Variants in CDYL2 observed in about 807,000 individuals in gnomAD.
The protein encoded by CDYL2 is chromodomain Y-like protein 2.
In CDYL2, 23 loss-of-function variants were observed where a neutral mutation model predicts 49.4. That is an observed-to-expected ratio of 0.47 (90% CI 0.34 to 0.66). The LOEUF is 0.66. CDYL2 is among the 30% of genes least tolerant of loss of function. The pLI, the probability that CDYL2 is intolerant of heterozygous loss-of-function variation, is 0.01. For missense variants in CDYL2, 678 were observed against 656.4 expected (o/e 1.03, Z -0.36); for synonymous variants, 360 against 268.8 (o/e 1.34, Z -3.32).
chr16:80,606,416 A>G (rs1451828967), intron 6 of CDYL2, among the ~76,000 whole-genome samples: 1 of 152,148 alleles, frequency 6.6e-6, no homozygotes, highest in Non-Finnish European at 1.5e-5. Context: ...TCCCTGCCAC[A>G]GAACAGGCCA....
intron 1 of CDYL2, among the ~76,000 whole-genome samples, chr16:80,753,970 G>A (rs1268543564): frequency 6.6e-6 from 1 of 152,196 alleles, no homozygotes; most frequent in Non-Finnish European, 1.5e-5. Flanking sequence ...ACAGATGCAG[G>A]AAACACAGGA....
chr16:80,757,330 AGGAGTCC>A (rs1482320293), intron 1 of CDYL2, among the ~76,000 whole-genome samples: 1 of 152,064 alleles, frequency 6.6e-6, no homozygotes, highest in Non-Finnish European at 1.5e-5. Context: ...GCTTGAGCCT[AGGAGTCC>A]GAGACCAGCC....
chr16:80,765,052 C>T (rs57000437), intron 1 of CDYL2, among the ~76,000 whole-genome samples: 19,982 of 131,350 alleles, frequency 0.15, 2,170 homozygotes, highest in African/African-American at 0.31. Context: ...AGTGAGATTC[C>T]GTCTCAAAAA....
chr16:80,627,614 ATTTAATAATGTAAC>A (rs2142384688), intron 3 of CDYL2: 1 of 152,294 alleles, frequency 6.6e-6, no homozygotes, highest in Middle Eastern at 3.4e-3. Context: ...AAGACCCCAA[ATTTAATAATGTAAC>A]TGGTTCATTT....
At chr16:80,655,626 G>C (rs1908773375) in intron 2 of CDYL2, among the ~76,000 whole-genome samples, 2 of 152,172 alleles carry the variant, frequency 1.3e-5, no homozygotes, top group African/African-American at 4.8e-5. Context: ...GAAACTAGCA[G>C]AGGCAAAGAG....
chr16:80,755,839 G>C (rs1384296138), intron 1 of CDYL2, among the ~76,000 whole-genome samples: 2 of 152,146 alleles, frequency 1.3e-5, no homozygotes, highest in African/African-American at 4.8e-5. Flanking sequence ...TAAAACAGTG[G>C]AGACTATGGG....
intron 3 of CDYL2, among the ~76,000 whole-genome samples, chr16:80,628,849 G>T (rs185267799): frequency 6.6e-6 from 1 of 152,142 alleles, no homozygotes; most frequent in South Asian, 2.1e-4. Flanking sequence ...GAGGAGGGGG[G>T]GGATATCAGA....
chr16:80,622,171 A>G (rs1392320189), intron 3 of CDYL2, among the ~76,000 whole-genome samples: 2 of 152,188 alleles, frequency 1.3e-5, no homozygotes, highest in African/African-American at 4.8e-5. Context: ...TTTATGGAGA[A>G]GGAGAGGACT....
intron 1 of CDYL2, among the ~76,000 whole-genome samples, chr16:80,721,297 T>G (rs995671578): frequency 6.6e-6 from 1 of 152,218 alleles, no homozygotes; most frequent in African/African-American, 2.4e-5. Context: ...CTCATTCCCA[T>G]TTGATACCTA....
intron 1 of CDYL2, among the ~76,000 whole-genome samples, chr16:80,768,595 A>C (rs1348270277): frequency 6.6e-6 from 1 of 152,160 alleles, no homozygotes; most frequent in Non-Finnish European, 1.5e-5. Context: ...TAGCCTCTCT[A>C]TAAGGGTACT....
intron 1 of CDYL2, among the ~76,000 whole-genome samples, chr16:80,789,976 A>G (rs1020555659): frequency 6.6e-6 from 1 of 152,218 alleles, no homozygotes; most frequent in African/African-American, 2.4e-5. Context: ...TGATGGCTAC[A>G]CTAGAAACGC....
In CDYL2 at chr16:80,715,593, C is replaced by A. The variant is rs113658815; in HGVS notation, c.25-30464G>T. Among the ~76,000 whole-genome samples the A allele has an allele frequency of 7.8e-3, 1,187 of 152,318 alleles. 22 individuals are homozygous for A. The highest frequency in any genetic ancestry group is 0.027 in the African/African-American group (1,107 of 41,572). On this transcript the variant is annotated intron_variant, in intron 1 of 6. Transcript: ENST00000570137. ...ACCCCTCCGGCCTCCCTTTCCTCCACTCTCACATTGCCTCCAGAGGAATTT... is the reference window on the plus strand; with the variant it reads ...ACCCCTCCGGCCTCCCTTTCCTCCAATCTCACATTGCCTCCAGAGGAATTT...
intron 1 of CDYL2, among the ~76,000 whole-genome samples, chr16:80,755,929 TC>T (rs1379463860): frequency 6.6e-6 from 1 of 152,148 alleles, no homozygotes; most frequent in East Asian, 1.9e-4. Flanking sequence ...TAAAATAAAG[TC>T]TACTATACCC....
intron 5 of CDYL2, 95 bp from the exon 6 acceptor site, chr16:80,608,330 C>A: frequency 1.5e-6 from 2 of 1,341,498 alleles, no homozygotes; most frequent in Non-Finnish European, 9.9e-7. Context: ...CATCCCAGTT[C>A]TGGAAGGCAT....
chr16:80,618,700 C>G (rs528870688), intron 4 of CDYL2, among the ~76,000 whole-genome samples: 1 of 152,178 alleles, frequency 6.6e-6, no homozygotes, highest in Non-Finnish European at 1.5e-5. Context: ...TCACCGTCAA[C>G]CCAGGGCTGG....
chr16:80,706,434 C>A (rs1904406707), intron 1 of CDYL2, among the ~76,000 whole-genome samples: 1 of 152,180 alleles, frequency 6.6e-6, no homozygotes, highest in Non-Finnish European at 1.5e-5. Flanking sequence ...AAACCATGAT[C>A]AAACTATTTT....
intron 1 of CDYL2, among the ~76,000 whole-genome samples, chr16:80,722,486 C>G (rs929820007): frequency 1.3e-5 from 2 of 152,198 alleles, no homozygotes; most frequent in Admixed American, 6.5e-5. Context: ...GACACCTTAT[C>G]GAGCCAACAA....
In CDYL2 at chr16:80,604,103, G is replaced by C. The variant is rs1207179289; in HGVS notation, c.*285C>G. 4.6e-6 allele frequency: 2 copies of C among 430,642 alleles called. No homozygotes were observed. The highest frequency in any genetic ancestry group is 3.9e-5 in the African/African-American group (2 of 50,712). The allele number at this position is 430,642 out of a possible 1,614,324, so 26.7% of individuals were successfully genotyped here. ...GGACCGTCATGGTGCATTTCAGCAA[G>C]TGGGGAAAGGACAGCGGTGCTTGGC... On this transcript the variant is annotated 3_prime_UTR_variant, in exon 7 of 7. Transcript: ENST00000570137.
At chr16:80,768,610 C>T (rs1199698201) in intron 1 of CDYL2, among the ~76,000 whole-genome samples, 1 of 152,086 alleles carries the variant, frequency 6.6e-6, no homozygotes, top group African/African-American at 2.4e-5. Context: ...GGTACTAATC[C>T]CATCTATGTG....
Sources: gnomAD v4.1 joint callset for allele counts (sites outside exome capture counted in the v4.1 genomes callset) on GRCh38, gnomAD v4.1.1 for gene constraint, MANE v1.5 for transcripts, NCBI Gene and HGNC (gene_info 2026-07-23, HGNC 2026-07-21) for gene names.